The following DNMBP variants were observed in gnomAD, a reference collection of about 807,000 sequenced individuals.
DNMBP encodes dynamin binding protein.
A neutral mutation model predicts 150.0 loss-of-function variants in DNMBP; 87 were observed. The ratio of observed to expected loss-of-function variants is 0.58; its 90% CI spans 0.49 to 0.69. The LOEUF is 0.69. Among genes scored for constraint, DNMBP ranks in the 30% least tolerant of loss-of-function variants. The probability of loss-of-function intolerance (pLI) is 0.00; values close to 1 mark genes in which losing one functional copy is unlikely to be tolerated. For missense variants in DNMBP, 1,774 were observed against 1,949.0 expected (o/e 0.91, Z 1.69); for synonymous variants, 711 against 750.4 (o/e 0.95, Z 0.86).
intron 1 of DNMBP, among the ~76,000 whole-genome samples, chr10:99,977,119 A>G (rs952135825): frequency 1.3e-5 from 2 of 152,194 alleles, no homozygotes; most frequent in Non-Finnish European, 1.5e-5. Context: ...GGCTCAATAA[A>G]TACTTTTACT....
chr10:99,884,140 A>G lies in DNMBP; in HGVS notation c.3868T>C (p.Phe1290Leu). Residue 1290 changes from phenylalanine to leucine, a missense_variant, in exon 15 of 17, where the codon TTC becomes CTC. Phe to Leu is a conservative substitution (Grantham distance 22, BLOSUM62 0). This residue lies in a region of DNMBP where 1,430 missense variants were observed against 1,492.5 expected (regional missense o/e 0.96). Coordinates refer to ENST00000324109, the MANE Select transcript of DNMBP (RefSeq NM_015221.4). ...GCATTGAAGTTCCGTTCTGCCTGGA[A>G]GAGTTTTTCAGGGGGATACCTGGCC... ...LLARYPPEKL[F>L]QAERNFNAAQ... 6.2e-7 allele frequency: 1 copy of G among 1,614,124 alleles called. No individual in the cohort carries two copies. Among genetic ancestry groups the G allele is most frequent in the Non-Finnish European group, 8.5e-7 (1 of 1,180,032 alleles).
chr10:99,909,882 T>C (rs1021470009), intron 4 of DNMBP, among the ~76,000 whole-genome samples: 36 of 152,206 alleles, frequency 2.4e-4, no homozygotes, highest in Non-Finnish European at 7.3e-5. Context: ...AAAACAAATA[T>C]GTATCCTGTC....
rs1178172301 is a variant in DNMBP at position 100,002,162 on chromosome 10, C to T, written c.-11+7676G>A. 3.3e-5 allele frequency among the ~76,000 whole-genome samples: 5 copies of T among 152,220 alleles called. No individual in the cohort carries two copies. The South Asian group carries it at 1.0e-3, about 32-fold the overall frequency. On this transcript the variant is annotated intron_variant, in intron 1 of 16. Coordinates refer to ENST00000324109, the MANE Select transcript of DNMBP (RefSeq NM_015221.4). ...AGTGCCCTCTCCTCCTCAACATGCT[C>T]CCCCACCCCAATAAAAAACAGAGAC...
Position 99,877,109 on chromosome 10 carries a change from T to G in DNMBP, c.*42A>C. 6.4e-7 allele frequency: 1 copy of G among 1,563,564 alleles called. No individual in the cohort carries two copies. Among genetic ancestry groups the G allele is most frequent in the Non-Finnish European group, 8.7e-7 (1 of 1,154,386 alleles). ...TGGGCCGCCAGAACCCTCGGCGGAC[T>G]GAAAGCAAAGGCAGCAAGGCTGGGT... On this transcript the variant is annotated 3_prime_UTR_variant, in exon 17 of 17. Transcript: ENST00000324109.
chr10:99,897,991 T>C, intron 9 of DNMBP, 95 bp downstream of exon 9: 1 of 1,049,768 alleles, frequency 9.5e-7, no homozygotes. Context: ...ACCTACCACC[T>C]GCCTTGTCCA....
Position 99,957,037 on chromosome 10 carries a change from G to A in DNMBP, c.437C>T (p.Ser146Phe). The A allele has an allele frequency of 6.2e-7, 1 of 1,614,182 alleles. No individual in the cohort carries two copies. The highest frequency in any genetic ancestry group is 8.5e-7 in the Non-Finnish European group (1 of 1,180,032). ...QSALFQIPEY[S>F]MGQARALMGL... is the part of the protein sequence containing the mutation. ...CATTAGGGCCCGGGCTTGTCCCATGGAATATTCCGGAATCTGAAACAGGGC... is the reference window on the plus strand; with the variant it reads ...CATTAGGGCCCGGGCTTGTCCCATGAAATATTCCGGAATCTGAAACAGGGC... The change falls in exon 4 of 17, where the codon TCC (serine) becomes TTC (phenylalanine). Residue 146 changes from serine (S) to phenylalanine (F), a missense_variant. Ser to Phe is a radical substitution (Grantham distance 155). Transcript: ENST00000324109.
chr10:99,900,127 G>A, intron 6 of DNMBP, 61 bp from the exon 7 acceptor site: 1 of 1,585,190 alleles, frequency 6.3e-7, no homozygotes, highest in African/African-American at 1.3e-5. Context: ...TATACTAAAT[G>A]TAAGGTACAC....
At chr10:99,994,409 T>C (rs938657202) in intron 1 of DNMBP, among the ~76,000 whole-genome samples, 3 of 152,140 alleles carry the variant, frequency 2.0e-5, no homozygotes, top group African/African-American at 7.2e-5. Flanking sequence ...GTGATGACGA[T>C]TATGACCATC....
At chr10:99,983,924 CCTT>C (rs1445130782) in intron 1 of DNMBP, among the ~76,000 whole-genome samples, 2 of 152,198 alleles carry the variant, frequency 1.3e-5, no homozygotes, top group African/African-American at 4.8e-5. Flanking sequence ...CCGCCTCAGT[CCTT>C]CTCAGGATTT....
At chr10:99,919,365 C>G (rs183962961) in intron 4 of DNMBP, among the ~76,000 whole-genome samples, 1 of 152,334 alleles carries the variant, frequency 6.6e-6, no homozygotes, top group East Asian at 1.9e-4. Context: ...ATAAAAATCA[C>G]TTTCTTCAGT....
chr10:99,930,216 T>TGG lies in DNMBP; in HGVS notation c.2261-21071_2261-21070insCC, dbSNP rs1371298202. Reference sequence around the variant, plus strand: ...ACAATCCTCAAGATTATGGTTAACATTCTCATGGTCTATATACCACAACTG... The same window carrying TGG: ...ACAATCCTCAAGATTATGGTTAACATGGTCTCATGGTCTATATACCACAACTG... On this transcript the variant is annotated intron_variant, in intron 4 of 16. Coordinates refer to ENST00000324109, the MANE Select transcript of DNMBP (RefSeq NM_015221.4). 2.5e-4 allele frequency: 175 copies of TGG among 703,014 alleles called. 2 individuals are homozygous for TGG. In the East Asian group the frequency reaches 4.7e-3, roughly 19 times the overall value. The allele number at this position is 703,014 out of a possible 1,614,324, so 43.5% of individuals were successfully genotyped here. A position where few individuals can be genotyped will look rare whatever the true frequency, so the allele number is the denominator to read the frequency against.
intron 1 of DNMBP, among the ~76,000 whole-genome samples, chr10:99,987,154 CAA>C (rs796177770): frequency 1.1e-4 from 13 of 121,906 alleles, no homozygotes; most frequent in Non-Finnish European, 1.0e-4. Flanking sequence ...GACTCCATCT[CAA>C]AAAAAAAAAA....
intron 6 of DNMBP, 84 bp downstream of exon 6, chr10:99,907,911 T>A: frequency 2.1e-6 from 2 of 932,394 alleles, no homozygotes; most frequent in Non-Finnish European, 3.4e-6. Flanking sequence ...GGAGGCATAG[T>A]TACTCAGTAT....
intron 11 of DNMBP, among the ~76,000 whole-genome samples, chr10:99,889,809 C>T (rs1296535458): frequency 6.6e-6 from 1 of 152,160 alleles, no homozygotes; most frequent in Non-Finnish European, 1.5e-5. Context: ...ATCTCTTTGG[C>T]ATTCCCCTAT....
intron 4 of DNMBP, among the ~76,000 whole-genome samples, chr10:99,940,124 G>A (rs1445974129): frequency 6.6e-6 from 1 of 152,180 alleles, no homozygotes; most frequent in African/African-American, 2.4e-5. Context: ...GCAGTGGGCA[G>A]GAAGAACCCA....
intron 6 of DNMBP, among the ~76,000 whole-genome samples, chr10:99,900,275 CGT>C (rs1425398954): frequency 3.9e-5 from 6 of 152,056 alleles, no homozygotes; most frequent in African/African-American, 1.4e-4. Context: ...CCATGTCATC[CGT>C]ATATGTATGT....
chr10:99,992,016 G>A (rs980915937), intron 1 of DNMBP, among the ~76,000 whole-genome samples: 4 of 151,584 alleles, frequency 2.6e-5, no homozygotes, highest in East Asian at 1.9e-4. Context: ...GGGGGCAGAT[G>A]GCTTGAGCTC....
chr10:99,877,101 C>A lies in DNMBP; in HGVS notation c.*50G>T. ...CCTCTCGGTGGGCCGCCAGAACCCT[C>A]GGCGGACTGAAAGCAAAGGCAGCAA... On this transcript the variant is annotated 3_prime_UTR_variant, in exon 17 of 17. Coordinates refer to ENST00000324109, the MANE Select transcript of DNMBP (RefSeq NM_015221.4). 1.4e-6 allele frequency: 2 copies of A among 1,397,878 alleles called. No homozygotes were observed. The highest frequency in any genetic ancestry group is 1.9e-6 in the Non-Finnish European group (2 of 1,059,930). The allele number at this position is 1,397,878 out of a possible 1,614,324, so 86.6% of individuals were successfully genotyped here.
intron 14 of DNMBP, 70 bp from the exon 15 acceptor site, chr10:99,884,279 T>C: frequency 3.6e-6 from 5 of 1,378,240 alleles, no homozygotes; most frequent in South Asian, 2.5e-5. Flanking sequence ...CATCCCAACA[T>C]GTGGCCAGTC....
Sources: allele counts gnomAD v4.1 joint callset (sites outside exome capture counted in the v4.1 genomes callset), GRCh38; gene constraint gnomAD v4.1.1; regional missense constraint gnomAD v4.1.1; transcripts MANE v1.5; gene names NCBI Gene and HGNC (gene_info 2026-07-23, HGNC 2026-07-21).